Variants in DNAJC10 observed in about 807,000 individuals in gnomAD.
DNAJC10 encodes the protein DnaJ heat shock protein family (Hsp40) member C10.
DNAJC10 carries 101 observed loss-of-function variants against 115.0 expected under a neutral mutation model. The observed-to-expected ratio is 0.88, with a 90% confidence interval of 0.75 to 1.04. The LOEUF (loss-of-function observed/expected upper bound fraction) is 1.04. Among genes scored for constraint, DNAJC10 ranks in the 50% least tolerant of loss-of-function variants. The pLI, the probability that DNAJC10 is intolerant of heterozygous loss-of-function variation, is 0.00. For synonymous variants in DNAJC10, 307 were observed against 301.5 expected (o/e 1.02, Z -0.19); for missense variants, 981 against 928.8 (o/e 1.06, Z -0.73).
chr2:182,792,231 C>G lies in DNAJC10; in HGVS notation c.*15099C>G, dbSNP rs1559036746. ...TATTTTTTTATCTCCATGCTATAATCTTGCACAAGTTTCATTAGAATTAAA... is the reference window on the plus strand; with the variant it reads ...TATTTTTTTATCTCCATGCTATAATGTTGCACAAGTTTCATTAGAATTAAA... On this transcript the variant is annotated 3_prime_UTR_variant, in exon 24 of 24. Coordinates refer to ENST00000264065, the MANE Select transcript of DNAJC10 (RefSeq NM_018981.4). 1 of 152,196 alleles carries G rather than the reference C, an allele frequency of 6.6e-6. No homozygotes were observed. Among genetic ancestry groups the G allele is most frequent in the Non-Finnish European group, 1.5e-5 (1 of 68,026 alleles). 9.4% of individuals were successfully genotyped at this position (152,196 alleles called of 1,614,324 possible).
chr2:182,720,298 G>A, intron 4 of DNAJC10, 129 bp downstream of exon 4: 2 of 741,498 alleles, frequency 2.7e-6, no homozygotes, highest in Non-Finnish European at 2.2e-6. Context: ...TTTGCTGTGG[G>A]AGTGAAATTT....
At chr2:182,772,645 TTTTG>T (rs745329646) in intron 22 of DNAJC10, among the ~76,000 whole-genome samples, 3,991 of 148,004 alleles carry the variant, frequency 0.027, 76 homozygotes, top group East Asian at 0.1. Flanking sequence ...ACCCATGGTG[TTTTG>T]TTTTGTTTTG....
Position 182,732,534 on chromosome 2 carries a change from G to A in DNAJC10, c.841G>A (p.Gly281Ser), listed in dbSNP as rs919704331. ...LTSQTRLRLS[G>S]MLDGLVNVGW... is the part of the protein sequence containing the mutation. ...TTCACAGACACGACTCAGGCTTAGT[G>A]GCATGTTGGTAAGCATCAATCATTT... Residue 281 changes from glycine (G) to serine (S), a missense_variant, in exon 10 of 24, where the codon GGC becomes AGC. Coordinates refer to ENST00000264065, the MANE Select transcript of DNAJC10 (RefSeq NM_018981.4). The A allele has an allele frequency of 1.2e-6, 2 of 1,612,852 alleles. No individual in the cohort carries two copies. The highest frequency in any genetic ancestry group is 1.7e-6 in the Non-Finnish European group (2 of 1,179,240).
chr2:182,745,551 T>A (rs544375000), intron 14 of DNAJC10, among the ~76,000 whole-genome samples: 80 of 152,308 alleles, frequency 5.3e-4, no homozygotes, highest in African/African-American at 1.8e-3. Context: ...TTTCTTTGGA[T>A]TAAAATAGTT....
chr2:182,757,981 A>G (rs1217423478), intron 19 of DNAJC10, among the ~76,000 whole-genome samples, 156 bp downstream of exon 19: 1 of 152,192 alleles, frequency 6.6e-6, no homozygotes, highest in Non-Finnish European at 1.5e-5. Flanking sequence ...TCAGAAGATG[A>G]AAAGGGAGTA....
At position 182,785,167 on chromosome 2, in the gene DNAJC10, T is replaced by G. The variant is rs2105725053; in HGVS notation, c.*8035T>G. The G allele has an allele frequency of 6.6e-6, 1 of 152,306 alleles. No individual in the cohort carries two copies. The allele number at this position is 152,306 out of a possible 1,614,324, so 9.4% of individuals were successfully genotyped here. A position where few individuals can be genotyped will look rare whatever the true frequency, so the allele number is the denominator to read the frequency against. On this transcript the variant is annotated 3_prime_UTR_variant, in exon 24 of 24. Transcript: ENST00000264065. ...AATCATACAGGCACACACACTGCTA[T>G]AGACATGTAAAGATACATACATGTA...
rs1038605653 is a variant in DNAJC10 at position 182,780,298 on chromosome 2, A to G, written c.*3166A>G. 3.3e-5 allele frequency: 5 copies of G among 152,142 alleles called. No homozygotes were observed. The highest frequency in any genetic ancestry group is 7.3e-5 in the Non-Finnish European group (5 of 68,052). 9.4% of individuals were successfully genotyped at this position (152,142 alleles called of 1,614,324 possible). A position where few individuals can be genotyped will look rare whatever the true frequency, so the allele number is the denominator to read the frequency against. On this transcript the variant is annotated 3_prime_UTR_variant, in exon 24 of 24. Coordinates refer to ENST00000264065, the MANE Select transcript of DNAJC10 (RefSeq NM_018981.4). ...TCATAAATGGCTTTGTGCCTTCCCCAGTGGTAATGAGTTCCTGCTGTGTTT... is the reference window on the plus strand; with the variant it reads ...TCATAAATGGCTTTGTGCCTTCCCCGGTGGTAATGAGTTCCTGCTGTGTTT...
At chr2:182,757,978 A>G (rs1265784672) in intron 19 of DNAJC10, among the ~76,000 whole-genome samples, 153 bp downstream of exon 19, 1 of 152,206 alleles carries the variant, frequency 6.6e-6, no homozygotes, top group Admixed American at 6.5e-5. Context: ...ATTTCAGAAG[A>G]TGAAAAGGGA....
In DNAJC10 at chr2:182,751,702, G is replaced by A; in HGVS notation, c.1351G>A (p.Val451Met). Residue 451 changes from valine to methionine, a missense_variant, in exon 15 of 24, where the codon GTG (valine) becomes ATG (methionine). By Grantham distance (21) the Val-to-Met change is conservative. Transcript: ENST00000264065. ...YDILAFAKES[V>M]NSHVTTLGPQ... is the part of the protein sequence containing the mutation. ...TATACTTGCCTTTGCCAAAGAAAGTGTGAATTCTCATGTTACCACGCTTGG... is the reference window on the plus strand; with the variant it reads ...TATACTTGCCTTTGCCAAAGAAAGTATGAATTCTCATGTTACCACGCTTGG... 1 of 1,613,936 alleles carries A rather than the reference G, an allele frequency of 6.2e-7. No individual in the cohort carries two copies. Among genetic ancestry groups the A allele is most frequent in the Non-Finnish European group, 8.5e-7 (1 of 1,179,874 alleles).
In DNAJC10 at chr2:182,736,377, C is replaced by T. The variant is rs1693585351; in HGVS notation, c.978C>T (p.Asn326=). 1 of 1,573,708 alleles carries T rather than the reference C, an allele frequency of 6.4e-7. No homozygotes were observed. The highest frequency in any genetic ancestry group is 1.4e-5 in the African/African-American group (1 of 72,368). The part of the protein sequence containing the change: ...PGATLNNKEK[N]SILFLNSLDA... ...CCACTTTAAATAACAAAGAGAAAAA[C>T]AGTATTTTGGTATGAATCACTTTAA... The change falls in exon 11 of 24, where the codon AAC becomes AAT. Residue 326 remains asparagine (N), a synonymous_variant. Transcript: ENST00000264065.
intron 22 of DNAJC10, among the ~76,000 whole-genome samples, chr2:182,766,357 G>A (rs1694412036): frequency 6.6e-6 from 1 of 152,210 alleles, no homozygotes; most frequent in African/African-American, 2.4e-5. Context: ...TAAAGAGGGT[G>A]ATGATGGGAC....
intron 9 of DNAJC10, 62 bp from the exon 10 acceptor site, chr2:182,732,437 G>A (rs1365865298): frequency 1.3e-6 from 2 of 1,507,994 alleles, no homozygotes; most frequent in African/African-American, 1.4e-5. Context: ...AAAGGCAAAT[G>A]CAAGTATTTT....
At chr2:182,744,692 A>C (rs1693818393) in intron 14 of DNAJC10, among the ~76,000 whole-genome samples, 1 of 152,096 alleles carries the variant, frequency 6.6e-6, no homozygotes, top group Non-Finnish European at 1.5e-5. Flanking sequence ...TTTTATCTTT[A>C]CAACAGCCCA....
intron 21 of DNAJC10, among the ~76,000 whole-genome samples, chr2:182,760,139 C>T (rs1233317992): frequency 6.6e-6 from 1 of 152,122 alleles, no homozygotes; most frequent in Non-Finnish European, 1.5e-5. Context: ...ACTCCAGGTT[C>T]TCTGAACATG....
intron 11 of DNAJC10, among the ~76,000 whole-genome samples, chr2:182,737,358 A>G (rs993323900): frequency 3.9e-5 from 6 of 152,218 alleles, no homozygotes; most frequent in Non-Finnish European, 8.8e-5. Flanking sequence ...GTTGATAAAG[A>G]TAACATATAC....
At chr2:182,743,931 A>G (rs1693800280) in intron 14 of DNAJC10, among the ~76,000 whole-genome samples, 1 of 152,210 alleles carries the variant, frequency 6.6e-6, no homozygotes, top group African/African-American at 2.4e-5. Context: ...TATTTTGATC[A>G]GGATTTCTGG....
chr2:182,724,736 G>A (rs949531427), intron 5 of DNAJC10, among the ~76,000 whole-genome samples: 1 of 152,154 alleles, frequency 6.6e-6, no homozygotes, highest in Non-Finnish European at 1.5e-5. Context: ...TTTAGAAGTG[G>A]AAAGTTGCAT....
chr2:182,736,389 A>G lies in DNAJC10; in HGVS notation c.987+3A>G. 2 of 1,563,028 alleles carry G rather than the reference A, an allele frequency of 1.3e-6. No individual in the cohort carries two copies. The highest frequency in any genetic ancestry group is 1.7e-6 in the Non-Finnish European group (2 of 1,160,166). ...ACAAAGAGAAAAACAGTATTTTGGT[A>G]TGAATCACTTTAAACTAATTTATTT... On this transcript the variant is annotated splice_donor_region_variant and intron_variant, in intron 11 of 23. Transcript: ENST00000264065.
At chr2:182,736,445 A>C in intron 11 of DNAJC10, 59 bp downstream of exon 11, 3 of 1,262,636 alleles carry the variant, frequency 2.4e-6, no homozygotes, top group Non-Finnish European at 3.1e-6. Context: ...CTCAAAAATA[A>C]TACATTATTT....
Sources: gnomAD v4.1 joint callset for allele counts (sites outside exome capture counted in the v4.1 genomes callset) on GRCh38, gnomAD v4.1.1 for gene constraint, MANE v1.5 for transcripts, NCBI Gene and HGNC (gene_info 2026-07-23, HGNC 2026-07-21) for gene names.